DLG2: variants seen among roughly 807,000 people sequenced by gnomAD.
DLG2 encodes disks large homolog 2.
DLG2 carries 45 observed loss-of-function variants against 132.5 expected under a neutral mutation model. That is an observed-to-expected ratio of 0.34 (90% CI 0.27 to 0.44). The LOEUF (loss-of-function observed/expected upper bound fraction) is 0.44. Among genes scored for constraint, DLG2 ranks in the 20% least tolerant of loss-of-function variants. The pLI is 1.00. For missense variants in DLG2, 1,045 were observed against 1,196.9 expected (o/e 0.87, Z 1.87); for synonymous variants, 424 against 419.6 (o/e 1.01, Z -0.13).
chr11:85,283,245 A>AATTG (rs1263784268), intron 4 of DLG2, among the ~76,000 whole-genome samples: 3 of 152,002 alleles, frequency 2.0e-5, no homozygotes, highest in African/African-American at 4.8e-5. Flanking sequence ...AAAAGTTAAA[A>AATTG]ATTGATTAAT....
At position 83,874,462 on chromosome 11, in the gene DLG2, C is replaced by A. The variant is rs199599488; in HGVS notation, c.1523G>T (p.Arg508Leu). ...TSHSQHSTAT[R>L]QPSMTLQRAV... The stretch of plus-strand genomic sequence containing the variant: ...CCGTTGGAGAGTCATTGAAGGCTGA[C>A]GAGTTGCGGTGCTATGTTGGGAATG... The change falls in exon 16 of 28, where the codon CGT becomes CTT. Residue 508 changes from arginine to leucine, a missense_variant. Around this residue, in one of 4 missense-constraint regions of DLG2, gnomAD observed 261 missense variants for 256.1 expected, o/e 1.02. Transcript: ENST00000376104. 7 of 1,601,472 alleles carry A rather than the reference C, an allele frequency of 4.4e-6. No homozygotes were observed. The highest frequency in any genetic ancestry group is 6.0e-6 in the Non-Finnish European group (7 of 1,172,398).
intron 6 of DLG2, among the ~76,000 whole-genome samples, chr11:84,822,977 G>A (rs1434509833): frequency 6.6e-6 from 1 of 151,798 alleles, no homozygotes; most frequent in African/African-American, 2.4e-5. Flanking sequence ...TGATATATCA[G>A]TTTCCTCATC....
rs139773451 is a variant in DLG2, at chr11:84,357,228, G to A, written c.520-105937C>T. Among the ~76,000 whole-genome samples the A allele has an allele frequency of 2.2e-3, 342 of 152,152 alleles. 1 individual carries two copies. The highest frequency in any genetic ancestry group is 8.0e-3 in the African/African-American group (331 of 41,526). ...AACTACAGAGGGATAGAAGACATAG[G>A]AGGCAATTCCTGTTGTCTCATTTAA... On this transcript the variant is annotated intron_variant, in intron 7 of 27. Coordinates refer to ENST00000376104, the MANE Select transcript of DLG2 (RefSeq NM_001142699.3).
intron 6 of DLG2, among the ~76,000 whole-genome samples, chr11:85,040,368 C>A (rs1281841780): frequency 5.3e-5 from 8 of 151,908 alleles, no homozygotes; most frequent in Admixed American, 1.3e-4. Flanking sequence ...TTATGTTATG[C>A]TTACCACAAA....
At chr11:84,108,971 A>T (rs7929117) in intron 9 of DLG2, among the ~76,000 whole-genome samples, 112,941 of 152,036 alleles carry the variant, frequency 0.74, 43,393 homozygotes, top group Middle Eastern at 0.89. Flanking sequence ...CTGGACAGGG[A>T]TGCTGTGTAT....
intron 19 of DLG2, among the ~76,000 whole-genome samples, chr11:83,554,932 A>T (rs1424918610): frequency 2.0e-5 from 3 of 152,266 alleles, no homozygotes; most frequent in Non-Finnish European, 4.4e-5. Flanking sequence ...CAGTGTGAAT[A>T]ACAGAAACAA....
intron 3 of DLG2, among the ~76,000 whole-genome samples, chr11:85,582,702 A>AAAAAAAAAAAT (rs2078629556): frequency 7.2e-6 from 1 of 138,072 alleles, no homozygotes; most frequent in Non-Finnish European, 1.5e-5. Context: ...AAAAAAAAAA[A>AAAAAAAAAAAT]AAACTCGTGC....
chr11:83,566,884 A>G (rs505621), intron 19 of DLG2, among the ~76,000 whole-genome samples: 47,351 of 151,900 alleles, frequency 0.31, 8,465 homozygotes, highest in East Asian at 0.48. Flanking sequence ...TAAATAAAAT[A>G]CTGTATGCAA....
chr11:83,520,672 A>AAGAC (rs1269777643), intron 21 of DLG2, among the ~76,000 whole-genome samples: 2 of 74,878 alleles, frequency 2.7e-5, no homozygotes, highest in South Asian at 8.3e-4. Context: ...GATAGAAAGA[A>AAGAC]AGACAGACAG....
At chr11:84,085,427 G>A (rs761699441) in intron 10 of DLG2, among the ~76,000 whole-genome samples, 2 of 152,128 alleles carry the variant, frequency 1.3e-5, no homozygotes, top group Admixed American at 6.5e-5. Context: ...CAGCTCTTTG[G>A]TATATGAATC....
At chr11:85,346,936 T>C (rs2082890740) in intron 3 of DLG2, among the ~76,000 whole-genome samples, 2 of 152,016 alleles carry the variant, frequency 1.3e-5, no homozygotes, top group African/African-American at 2.4e-5. Flanking sequence ...CCAGGAAATA[T>C]GGAAGCTCTG....
chr11:85,514,839 G>A (rs1293189449), intron 3 of DLG2, among the ~76,000 whole-genome samples: 5 of 151,758 alleles, frequency 3.3e-5, no homozygotes, highest in African/African-American at 1.2e-4. Flanking sequence ...GTTTCATATT[G>A]GGCTCTCTGG....
intron 3 of DLG2, among the ~76,000 whole-genome samples, chr11:85,486,251 G>A (rs1330836567): frequency 6.6e-6 from 1 of 151,946 alleles, no homozygotes; most frequent in Non-Finnish European, 1.5e-5. Context: ...GCCCTGTGTG[G>A]GCTGCTGTGA....
At chr11:84,500,208 T>C (rs528085564) in intron 7 of DLG2, among the ~76,000 whole-genome samples, 3 of 152,126 alleles carry the variant, frequency 2.0e-5, no homozygotes, top group African/African-American at 7.2e-5. Flanking sequence ...AAAAAACATG[T>C]TGGAGGAAGA....
At chr11:85,100,350 A>G (rs1403649852) in intron 6 of DLG2, among the ~76,000 whole-genome samples, 1 of 152,132 alleles carries the variant, frequency 6.6e-6, no homozygotes, top group African/African-American at 2.4e-5. Context: ...AGGCATATTT[A>G]TATGTTGTCT....
chr11:83,489,604 C>T (rs11233639), intron 21 of DLG2, among the ~76,000 whole-genome samples: 29,861 of 151,764 alleles, frequency 0.2, 3,141 homozygotes, highest in African/African-American at 0.22. Context: ...TGTGTAATAA[C>T]GGCATTATGG....
chr11:85,458,396 A>T (rs565671989), intron 3 of DLG2, among the ~76,000 whole-genome samples: 29 of 152,166 alleles, frequency 1.9e-4, no homozygotes, highest in African/African-American at 5.5e-4. Flanking sequence ...AACCTCAATG[A>T]TCTTCATTCC....
chr11:84,267,822 T>C (rs1037027766), intron 7 of DLG2, among the ~76,000 whole-genome samples: 1 of 152,206 alleles, frequency 6.6e-6, no homozygotes, highest in Non-Finnish European at 1.5e-5. Flanking sequence ...TACTCAATTC[T>C]AGGCACCATT....
intron 16 of DLG2, among the ~76,000 whole-genome samples, chr11:83,852,199 C>T (rs1445750327): frequency 1.3e-5 from 2 of 152,164 alleles, no homozygotes; most frequent in Non-Finnish European, 2.9e-5. Context: ...AGCTTGTTAT[C>T]TGAGACCTAG....
Sources: allele counts gnomAD v4.1 joint callset (sites outside exome capture counted in the v4.1 genomes callset), GRCh38; gene constraint gnomAD v4.1.1; regional missense constraint gnomAD v4.1.1; transcripts MANE v1.5; gene names NCBI Gene and HGNC (gene_info 2026-07-23, HGNC 2026-07-21).